RGL1: variants seen among roughly 807,000 people sequenced by gnomAD.
RGL1 encodes ral guanine nucleotide dissociation stimulator-like 1.
RGL1 carries 24 observed loss-of-function variants against 95.2 expected under a neutral mutation model. The ratio of observed to expected loss-of-function variants is 0.25; its 90% CI spans 0.18 to 0.35. RGL1 has a LOEUF of 0.35. Among genes scored for constraint, RGL1 ranks in the 10% least tolerant of loss-of-function variants. The pLI is 1.00. For synonymous variants in RGL1, 329 were observed against 344.9 expected (o/e 0.95, Z 0.51); for missense variants, 715 against 936.3 (o/e 0.76, Z 3.08).
rs1572585850 is a variant in RGL1, at chr1:183,906,891, A to G, written c.1473-121A>G. 3.5e-5 allele frequency: 24 copies of G among 678,550 alleles called. No homozygotes were observed. In the East Asian group the frequency reaches 6.5e-4, roughly 18 times the overall value. The allele number at this position is 678,550 out of a possible 1,614,324, so 42.0% of individuals were successfully genotyped here. ...ACGTTTATGATAGGACAACGTTTGTATATATCTTTACTTTGAACAATTAGA... is the reference window on the plus strand; with the variant it reads ...ACGTTTATGATAGGACAACGTTTGTGTATATCTTTACTTTGAACAATTAGA... On this transcript the variant is annotated intron_variant, in intron 13 of 17. Transcript: ENST00000360851.
chr1:183,813,208 G>A lies in RGL1; in HGVS notation c.138+6723G>A, dbSNP rs889824763. Among the ~76,000 whole-genome samples, 7 of 152,262 alleles carry A rather than the reference G, an allele frequency of 4.6e-5. 1 individual carries two copies. In the East Asian group the frequency reaches 9.6e-4, roughly 21 times the overall value. On this transcript the variant is annotated intron_variant, in intron 2 of 17. Transcript: ENST00000360851. ...GATGAGTGTAGGCGGGGCACAGGGCGAGGATTCCTGGCAGGCACACTGGTT... is the reference window on the plus strand; with the variant it reads ...GATGAGTGTAGGCGGGGCACAGGGCAAGGATTCCTGGCAGGCACACTGGTT...
intron 4 of RGL1, among the ~76,000 whole-genome samples, chr1:183,873,964 A>C (rs1666336162): frequency 6.6e-6 from 1 of 152,202 alleles, no homozygotes; most frequent in African/African-American, 2.4e-5. Context: ...AAACTATAGA[A>C]GGCCTTAGCC....
chr1:183,730,482 C>T (rs1428987148), intron 1 of RGL1, among the ~76,000 whole-genome samples: 1 of 152,082 alleles, frequency 6.6e-6, no homozygotes, highest in South Asian at 2.1e-4. Context: ...CAGACTAAAG[C>T]GTCAGGGACT....
At chr1:183,842,715 A>C (rs1462756265) in intron 2 of RGL1, among the ~76,000 whole-genome samples, 1 of 152,204 alleles carries the variant, frequency 6.6e-6, no homozygotes, top group Non-Finnish European at 1.5e-5. Context: ...GTGCTAACCC[A>C]CAGGACAGGC....
At chr1:183,658,198 C>G (rs538230549) in intron 1 of RGL1, among the ~76,000 whole-genome samples, 1 of 152,286 alleles carries the variant, frequency 6.6e-6, no homozygotes, top group East Asian at 1.9e-4. Flanking sequence ...GAGTGCCAGA[C>G]AGTGGGCGCA....
At chr1:183,655,468 A>G (rs1651089025) in intron 1 of RGL1, among the ~76,000 whole-genome samples, 2 of 152,276 alleles carry the variant, frequency 1.3e-5, no homozygotes, top group Non-Finnish European at 2.9e-5. Context: ...TAGCAGTAAC[A>G]AACTACGTGA....
chr1:183,823,947 T>C (rs562085656), intron 2 of RGL1, among the ~76,000 whole-genome samples: 1 of 152,202 alleles, frequency 6.6e-6, no homozygotes, highest in East Asian at 1.9e-4. Context: ...CAATCCCCCA[T>C]GGCTAATTCT....
chr1:183,804,181 C>T (rs1325725858), upstream of RGL1, among the ~76,000 whole-genome samples: 2 of 134,178 alleles, frequency 1.5e-5, no homozygotes, highest in African/African-American at 5.6e-5. Context: ...CATAGTATGG[C>T]AATTAGTGGG....
At chr1:183,795,003 T>TCTAATATCTAATATCTAATATC (rs2102387944) in intron 2 of RGL1, among the ~76,000 whole-genome samples, 1 of 152,324 alleles carries the variant, frequency 6.6e-6, no homozygotes, top group South Asian at 2.1e-4. Context: ...CTAAGATTTA[T>TCTAATATCTAATATCTAATATC]TTATATCATT....
chr1:183,730,338 A>G (rs151206758), intron 1 of RGL1, among the ~76,000 whole-genome samples: 1 of 152,220 alleles, frequency 6.6e-6, no homozygotes, highest in Non-Finnish European at 1.5e-5. Flanking sequence ...CCCTCCTAGA[A>G]GTCCCAAGCT....
chr1:183,682,517 C>T (rs750117648), intron 1 of RGL1, among the ~76,000 whole-genome samples: 3 of 152,172 alleles, frequency 2.0e-5, no homozygotes, highest in Non-Finnish European at 2.9e-5. Flanking sequence ...TTTGATTGCA[C>T]TGTGTTCTGA....
intron 1 of RGL1, among the ~76,000 whole-genome samples, chr1:183,637,856 T>C (rs992220511): frequency 1.3e-5 from 2 of 152,196 alleles, no homozygotes; most frequent in South Asian, 4.1e-4. Flanking sequence ...AAGTATAAAA[T>C]CATTACTATG....
chr1:183,678,006 G>A (rs1410409653), intron 1 of RGL1, among the ~76,000 whole-genome samples: 1 of 152,142 alleles, frequency 6.6e-6, no homozygotes, highest in Non-Finnish European at 1.5e-5. Context: ...TCATCATTCT[G>A]TTGAGGTCTC....
intron 1 of RGL1, among the ~76,000 whole-genome samples, chr1:183,719,654 C>G (rs1015616649): frequency 6.6e-6 from 1 of 152,156 alleles, no homozygotes; most frequent in African/African-American, 2.4e-5. Context: ...GCCTACAATC[C>G]CAGCACTTTG....
chr1:183,667,155 C>T (rs1246668262), intron 1 of RGL1, among the ~76,000 whole-genome samples: 1 of 152,092 alleles, frequency 6.6e-6, no homozygotes, highest in African/African-American at 2.4e-5. Context: ...ACTCTTCTTT[C>T]TTTCGATTAT....
intron 2 of RGL1, among the ~76,000 whole-genome samples, chr1:183,789,930 A>AT (rs1004616580): frequency 2.8e-4 from 41 of 147,580 alleles, no homozygotes; most frequent in Non-Finnish European, 3.2e-4. Context: ...GCTTTTACTT[A>AT]TTTTTTTTTT....
At chr1:183,907,750 A>G (rs939089324) in intron 14 of RGL1, among the ~76,000 whole-genome samples, 7 of 152,188 alleles carry the variant, frequency 4.6e-5, no homozygotes, top group Non-Finnish European at 1.0e-4. Context: ...AACCTTGTCT[A>G]TCATGCTCGC....
chr1:183,673,432 G>A (rs1190985174), intron 1 of RGL1, among the ~76,000 whole-genome samples: 3 of 152,256 alleles, frequency 2.0e-5, no homozygotes, highest in Non-Finnish European at 4.4e-5. Flanking sequence ...TAGGGGTCAT[G>A]GGGGCAAGGA....
intron 1 of RGL1, among the ~76,000 whole-genome samples, chr1:183,640,872 A>G (rs1412923915): frequency 6.6e-6 from 1 of 152,160 alleles, no homozygotes; most frequent in African/African-American, 2.4e-5. Flanking sequence ...TTTCGTTGGT[A>G]TTTCACCAGT....
Sources: gnomAD v4.1 joint callset for allele counts (sites outside exome capture counted in the v4.1 genomes callset) on GRCh38, gnomAD v4.1.1 for gene constraint, MANE v1.5 for transcripts, NCBI Gene and HGNC (gene_info 2026-07-23, HGNC 2026-07-21) for gene names.